DLG2: variants seen among roughly 807,000 people sequenced by gnomAD.
The protein encoded by DLG2 is discs large MAGUK scaffold protein 2.
A neutral mutation model predicts 132.5 loss-of-function variants in DLG2; 45 were observed. The ratio of observed to expected loss-of-function variants is 0.34; its 90% CI spans 0.27 to 0.44. The LOEUF (loss-of-function observed/expected upper bound fraction) is 0.44. Among genes scored for constraint, DLG2 ranks in the 20% least tolerant of loss-of-function variants. DLG2 has a pLI of 1.00. For missense variants in DLG2, 1,045 were observed against 1,196.9 expected (o/e 0.87, Z 1.87); for synonymous variants, 424 against 419.6 (o/e 1.01, Z -0.13).
intron 3 of DLG2, among the ~76,000 whole-genome samples, chr11:85,333,923 G>A (rs979161359): frequency 6.6e-6 from 1 of 151,896 alleles, no homozygotes; most frequent in Non-Finnish European, 1.5e-5. Context: ...ACAGGTTTTG[G>A]TATCAGAATG....
chr11:84,420,167 C>T (rs1298146427), intron 7 of DLG2, among the ~76,000 whole-genome samples: 3 of 152,148 alleles, frequency 2.0e-5, no homozygotes, highest in Non-Finnish European at 4.4e-5. Flanking sequence ...TATACGGTTA[C>T]TTTAAAAATA....
intron 19 of DLG2, among the ~76,000 whole-genome samples, chr11:83,600,927 A>T (rs2058434949): frequency 6.6e-6 from 1 of 152,220 alleles, no homozygotes; most frequent in Admixed American, 6.5e-5. Flanking sequence ...GTGCAATGAT[A>T]AACAATGTCT....
At chr11:84,682,647 C>T (rs1248705542) in intron 6 of DLG2, among the ~76,000 whole-genome samples, 1 of 151,082 alleles carries the variant, frequency 6.6e-6, no homozygotes, top group African/African-American at 2.5e-5. Context: ...ACCTCCTTGA[C>T]CCACAGGTCT....
intron 8 of DLG2, among the ~76,000 whole-genome samples, chr11:84,179,949 C>A (rs2096072645): frequency 6.6e-6 from 1 of 152,132 alleles, no homozygotes; most frequent in African/African-American, 2.4e-5. Flanking sequence ...CTTGCCACTA[C>A]ATTACCAAAG....
chr11:83,639,893 T>A (rs1188351400), intron 18 of DLG2, among the ~76,000 whole-genome samples: 3 of 152,154 alleles, frequency 2.0e-5, no homozygotes, highest in African/African-American at 7.2e-5. Flanking sequence ...AGTTTGTTCA[T>A]CTACAAATTG....
intron 3 of DLG2, among the ~76,000 whole-genome samples, chr11:85,591,541 C>A (rs1379603285): frequency 6.6e-6 from 1 of 152,122 alleles, no homozygotes; most frequent in East Asian, 1.9e-4. Context: ...GAGTTCAAGA[C>A]CAGCCTGGTC....
chr11:85,200,764 C>A (rs2081399265), intron 4 of DLG2, among the ~76,000 whole-genome samples: 1 of 152,180 alleles, frequency 6.6e-6, no homozygotes, highest in African/African-American at 2.4e-5. Context: ...CTCCAGCTTC[C>A]TTCCCACAGC....
intron 6 of DLG2, among the ~76,000 whole-genome samples, chr11:84,669,634 T>C (rs572612776): frequency 6.6e-6 from 1 of 152,278 alleles, no homozygotes; most frequent in South Asian, 2.1e-4. Flanking sequence ...CAAACCCCTT[T>C]TTCCCCCTAC....
intron 6 of DLG2, among the ~76,000 whole-genome samples, chr11:84,643,187 G>T (rs1217375257): frequency 2.0e-5 from 3 of 151,998 alleles, no homozygotes; most frequent in African/African-American, 4.8e-5. Context: ...TACTTGGGTT[G>T]GGGGGCAGGA....
At chr11:85,152,201 A>T (rs1566940777) in intron 5 of DLG2, among the ~76,000 whole-genome samples, 1 of 152,044 alleles carries the variant, frequency 6.6e-6, no homozygotes, top group Non-Finnish European at 1.5e-5. Context: ...AAATATACTA[A>T]ATGTATTATA....
intron 9 of DLG2, among the ~76,000 whole-genome samples, chr11:84,136,084 A>G (rs1364535033): frequency 1.3e-5 from 2 of 152,110 alleles, no homozygotes; most frequent in African/African-American, 2.4e-5. Context: ...GTGAGAATAT[A>G]AAAGGAGAAA....
At chr11:83,619,737 GTTATC>G (rs1325390713) in intron 19 of DLG2, among the ~76,000 whole-genome samples, 1 of 152,094 alleles carries the variant, frequency 6.6e-6, no homozygotes, top group Non-Finnish European at 1.5e-5. Context: ...AAAGAGAAAA[GTTATC>G]TTATGAACAG....
At chr11:83,966,953 T>A (rs1305932453) in intron 12 of DLG2, among the ~76,000 whole-genome samples, 1 of 152,072 alleles carries the variant, frequency 6.6e-6, no homozygotes, top group East Asian at 1.9e-4. Context: ...TTGACTTTTA[T>A]TTTTTAAGAT....
intron 5 of DLG2, among the ~76,000 whole-genome samples, chr11:85,139,442 G>T (rs560370453): frequency 3.8e-4 from 58 of 152,024 alleles, no homozygotes; most frequent in African/African-American, 1.4e-3. Context: ...ACTAACAATA[G>T]TATTTACAAA....
intron 4 of DLG2, among the ~76,000 whole-genome samples, chr11:85,172,759 G>A (rs1459733806): frequency 6.6e-6 from 1 of 152,108 alleles, no homozygotes; most frequent in Non-Finnish European, 1.5e-5. Flanking sequence ...AACCAGAACA[G>A]CTAGTTTAGT....
chr11:83,695,935 C>G (rs760903463), intron 18 of DLG2, among the ~76,000 whole-genome samples: 1 of 152,018 alleles, frequency 6.6e-6, no homozygotes, highest in Admixed American at 6.6e-5. Flanking sequence ...AGCTGGAAAA[C>G]AGACTGAGGA....
At chr11:85,501,854 G>A (rs1598006773) in intron 3 of DLG2, among the ~76,000 whole-genome samples, 1 of 152,184 alleles carries the variant, frequency 6.6e-6, no homozygotes, top group South Asian at 2.1e-4. Context: ...GTGGAAGACA[G>A]TGTGGCAATT....
chr11:85,425,702 C>A (rs890148545), intron 3 of DLG2, among the ~76,000 whole-genome samples: 1 of 152,240 alleles, frequency 6.6e-6, no homozygotes, highest in African/African-American at 2.4e-5. Context: ...CTACAGCTCC[C>A]AGCATGAGCG....
intron 6 of DLG2, among the ~76,000 whole-genome samples, chr11:85,010,722 G>C (rs2059081299): frequency 6.6e-6 from 1 of 151,928 alleles, no homozygotes; most frequent in Non-Finnish European, 1.5e-5. Context: ...TGTTTTGCTT[G>C]GTATTTCACT....
Sources: gnomAD v4.1 joint callset for allele counts (sites outside exome capture counted in the v4.1 genomes callset) on GRCh38, gnomAD v4.1.1 for gene constraint, MANE v1.5 for transcripts, NCBI Gene and HGNC (gene_info 2026-07-23, HGNC 2026-07-21) for gene names.